ADAMTSL4: variants seen among roughly 807,000 people sequenced by gnomAD.
The protein encoded by ADAMTSL4 is ADAMTS-like protein 4.
In ADAMTSL4, 97 loss-of-function variants were observed where a neutral mutation model predicts 122.8. The ratio of observed to expected loss-of-function variants is 0.79; its 90% CI spans 0.67 to 0.93. ADAMTSL4 has a LOEUF of 0.93. Ranked by LOEUF, ADAMTSL4 falls within the 40% of genes least tolerant of loss-of-function variation. ADAMTSL4 has a pLI of 0.00. For missense variants in ADAMTSL4, 1,408 were observed against 1,453.5 expected, an observed-to-expected ratio of 0.97 and a Z score of 0.51; for synonymous variants, 592 against 568.0, an observed-to-expected ratio of 1.04 and a Z score of -0.60.
rs918728515 is a variant in ADAMTSL4 at position 150,554,810 on chromosome 1, G to A, written c.1234+343G>A. The A allele has an allele frequency of 2.8e-6, 2 of 713,236 alleles. No homozygotes were observed. Among genetic ancestry groups the A allele is most frequent in the African/African-American group, 1.8e-5 (1 of 55,860 alleles). The allele number at this position is 713,236 out of a possible 1,614,324, so 44.2% of individuals were successfully genotyped here. A position where few individuals can be genotyped will look rare whatever the true frequency, so the allele number is the denominator to read the frequency against. On this transcript the variant is annotated intron_variant, in intron 7 of 18. Transcript: ENST00000271643. This position sits in a 1 kb window ranked among gnomAD's most constrained non-coding sequence, Gnocchi z 4.0. Reference sequence around the variant, plus strand: ...AGGTGGGGGTGTGCCACGCATCCTGGGCACTGTCGTATCGGTTGCTCCCAG... The same window carrying A: ...AGGTGGGGGTGTGCCACGCATCCTGAGCACTGTCGTATCGGTTGCTCCCAG...
chr1:150,552,321 G>A lies in ADAMTSL4; in HGVS notation c.20+13G>A, dbSNP rs1378871492. The stretch of plus-strand genomic sequence containing the variant: ...ACTGGACTGGCAGGTGAGAGAAGGG[G>A]CCACGGGTTGGGGGGGAGGAAAAGG... On this transcript the variant is annotated intron_variant, in intron 3 of 18. Transcript: ENST00000271643. This position sits in a 1 kb window ranked among gnomAD's most constrained non-coding sequence, Gnocchi z 4.0. 3 of 1,555,730 alleles carry A rather than the reference G, an allele frequency of 1.9e-6. No homozygotes were observed. Among genetic ancestry groups the A allele is most frequent in the East Asian group, 4.8e-5 (2 of 41,614 alleles).
At chr1:150,558,268 G>T (rs1672408706) in intron 14 of ADAMTSL4, 119 bp downstream of exon 14, 2 of 1,548,508 alleles carry the variant, frequency 1.3e-6, no homozygotes, top group African/African-American at 2.7e-5. Flanking sequence ...GTTTCATATG[G>T]ACCCCCAATA....
At position 150,556,136 on chromosome 1, in the gene ADAMTSL4, C is replaced by A. The variant is rs766793625; in HGVS notation, c.1372-26C>A. The A allele has an allele frequency of 5.6e-6, 9 of 1,612,720 alleles. No homozygotes were observed. In the South Asian group the frequency reaches 9.9e-5, roughly 18 times the overall value. On this transcript the variant is annotated intron_variant, in intron 8 of 18. Coordinates refer to ENST00000271643, the MANE Select transcript of ADAMTSL4 (RefSeq NM_019032.6). The surrounding 1 kb of genome is among the most constrained non-coding windows in gnomAD (Gnocchi z 4.1). ...TGAGGTGGTGTCTGGCGTTCTGTGG[C>A]CACTGCCTCACCTCACTCTCTCCAG...
At chr1:150,555,090 A>G (rs1261557734) in intron 7 of ADAMTSL4, among the ~76,000 whole-genome samples, 3 of 151,634 alleles carry the variant, frequency 2.0e-5, no homozygotes, top group African/African-American at 7.3e-5. Flanking sequence ...CCTGGGTTCA[A>G]GCAATTCTCC....
chr1:150,557,187 C>A lies in ADAMTSL4; in HGVS notation c.1899C>A (p.Pro633=). The change falls in exon 12 of 19, where the codon CCC becomes CCA. Residue 633 remains proline (P), a synonymous_variant. Transcript: ENST00000271643. ...LRVEPPLAPA[P]RPARTPGTLQ... ...TGGAGCCCCCACTTGCTCCGGCACC[C>A]CGCCCAGCCCGGACCCCAGGCACCC... The A allele has an allele frequency of 6.2e-7, 1 of 1,611,748 alleles. No homozygotes were observed.
Position 150,554,769 on chromosome 1 carries a change from TC to T in ADAMTSL4, c.1234+304del. The T allele has an allele frequency of 9.3e-7, 1 of 1,080,276 alleles. No individual in the cohort carries two copies. The highest frequency in any genetic ancestry group is 1.3e-6 in the Non-Finnish European group (1 of 762,260). The allele number at this position is 1,080,276 out of a possible 1,614,324, so 66.9% of individuals were successfully genotyped here. ...GAGGGCCATGGTGGGAGAGATCCTG[TC>T]CAGCCGTGACAGCCAGGTGGGGGTG... On this transcript the variant is annotated intron_variant, in intron 7 of 18. Transcript: ENST00000271643. This position sits in a 1 kb window ranked among gnomAD's most constrained non-coding sequence, Gnocchi z 4.0.
At position 150,553,223 on chromosome 1, in the gene ADAMTSL4, AG is replaced by A. The variant is rs1671620332; in HGVS notation, c.406del (p.Glu136ArgfsTer50). 1 of 1,607,776 alleles carries A rather than the reference AG, an allele frequency of 6.2e-7. No homozygotes were observed. Among genetic ancestry groups the A allele is most frequent in the Admixed American group, 1.7e-5 (1 of 59,436 alleles). Reference sequence around the variant, plus strand: ...GGTCCCGCTTCCCACCTAGGGAGAGAGGAGACCCAGGAGATTCGAGCGGCCA... The same window carrying A: ...GGTCCCGCTTCCCACCTAGGGAGAGAGAGACCCAGGAGATTCGAGCGGCCA... ...LRGPASHLGREETQEIRAARR... is the reference protein window; with the variant it reads ...LRGPASHLGRXETQEIRAARR... On this transcript the variant is annotated frameshift_variant, in exon 5 of 19. Transcript: ENST00000271643. LOFTEE classifies it high-confidence loss of function.
intron 2 of ADAMTSL4, chr1:150,551,318 T>G: frequency 3.0e-6 from 1 of 332,524 alleles, no homozygotes; most frequent in Non-Finnish European, 6.0e-6. Context: ...CGGCTTCTTC[T>G]CTAGAGATTA....
chr1:150,559,997 C>G lies in ADAMTSL4; in HGVS notation c.3089-63C>G. 1.9e-6 allele frequency: 3 copies of G among 1,613,950 alleles called. No homozygotes were observed. The highest frequency in any genetic ancestry group is 2.5e-6 in the Non-Finnish European group (3 of 1,179,994). On this transcript the variant is annotated intron_variant, in intron 18 of 18. Coordinates refer to ENST00000271643, the MANE Select transcript of ADAMTSL4 (RefSeq NM_019032.6). This position sits in a 1 kb window ranked among gnomAD's most constrained non-coding sequence, Gnocchi z 4.1. ...AGGACCAGTGGGAATGGGCAGCACA[C>G]CCATTCCCAGACGGGTGGGTCCTGG...
In ADAMTSL4 at chr1:150,559,692, T is replaced by C. The variant is rs976692549; in HGVS notation, c.2944-69T>C. 5.6e-6 allele frequency: 9 copies of C among 1,609,484 alleles called. No homozygotes were observed. Among genetic ancestry groups the C allele is most frequent in the Middle Eastern group, 1.7e-4 (1 of 5,964 alleles). On this transcript the variant is annotated intron_variant, in intron 17 of 18. Transcript: ENST00000271643. This position sits in a 1 kb window ranked among gnomAD's most constrained non-coding sequence, Gnocchi z 4.1. ...CACCACCACCTTTTGGGGAGAGAGG[T>C]GGCAGCCAGGGGTTAAGGAGAATCC... is the stretch of plus-strand genomic sequence containing the variant.
chr1:150,554,499 T>C lies in ADAMTSL4; in HGVS notation c.1234+32T>C, dbSNP rs368855050. The C allele has an allele frequency of 6.3e-5, 102 of 1,613,672 alleles. No individual in the cohort carries two copies. The South Asian group carries it at 8.6e-4, about 14-fold the overall frequency. ...TTTCTTGCTCACCCCTGGGCAGTGG[T>C]GGCTTGGAATTGGGGATGAAGGGGA... On this transcript the variant is annotated intron_variant, in intron 7 of 18. Transcript: ENST00000271643. The surrounding 1 kb of genome is among the most constrained non-coding windows in gnomAD (Gnocchi z 4.0).
Position 150,554,626 on chromosome 1 carries a change from G to C in ADAMTSL4, c.1234+159G>C. 2 of 1,544,234 alleles carry C rather than the reference G, an allele frequency of 1.3e-6. No individual in the cohort carries two copies. Among genetic ancestry groups the C allele is most frequent in the Non-Finnish European group, 1.7e-6 (2 of 1,147,016 alleles). ...CTCCCTGGGGCTGGGTCAGGAGACA[G>C]CACAGGTGGTGAGTGGTCTGCAGAA... On this transcript the variant is annotated intron_variant, in intron 7 of 18. Transcript: ENST00000271643. The surrounding 1 kb of genome is among the most constrained non-coding windows in gnomAD (Gnocchi z 4.0).
In ADAMTSL4 at chr1:150,553,836, G is replaced by A. The variant is rs150503018; in HGVS notation, c.845G>A (p.Arg282Gln). Residue 282 changes from arginine to glutamine, a missense_variant, in exon 6 of 19, where the codon CGA (arginine) becomes CAA (glutamine). By Grantham distance (43) the Arg-to-Gln change is conservative. Transcript: ENST00000271643. ...GGFFRASPQP[R>Q]RPSSQGWASP... ...TTCTTCCGTGCATCCCCTCAGCCACGAAGGCCAAGTTCCCAGGGTTGGGCC... is the reference window on the plus strand; with the variant it reads ...TTCTTCCGTGCATCCCCTCAGCCACAAAGGCCAAGTTCCCAGGGTTGGGCC... The A allele has an allele frequency of 1.8e-5, 29 of 1,613,946 alleles. No homozygotes were observed. The East Asian group carries it at 2.0e-4, about 11-fold the overall frequency.
At position 150,560,332 on chromosome 1, in the gene ADAMTSL4, GTGAC is replaced by G; in HGVS notation, c.*141_*144del. The G allele has an allele frequency of 7.2e-7, 1 of 1,379,536 alleles. No individual in the cohort carries two copies. The allele number at this position is 1,379,536 out of a possible 1,614,324, so 85.5% of individuals were successfully genotyped here. A position where few individuals can be genotyped will look rare whatever the true frequency, so the allele number is the denominator to read the frequency against. ...CCTCCAGGTGACAGAGGGTGGCAAG[GTGAC>G]TGACACAAAGTGACTTTCAGGGCTG... On this transcript the variant is annotated 3_prime_UTR_variant, in exon 19 of 19. Transcript: ENST00000271643.
chr1:150,557,910 T>C (rs1672356846), intron 13 of ADAMTSL4, 35 bp from the exon 14 acceptor site: 2 of 1,590,790 alleles, frequency 1.3e-6, no homozygotes, highest in Admixed American at 1.7e-5. Flanking sequence ...CTCATCTATG[T>C]CTCCGCCTCT....
rs1671940885 is a variant in ADAMTSL4 at position 150,555,528 on chromosome 1, C to G, written c.1334C>G (p.Pro445Arg). The change falls in exon 8 of 19, where the codon CCT becomes CGT. Residue 445 changes from proline (P) to arginine (R), a missense_variant. Coordinates refer to ENST00000271643, the MANE Select transcript of ADAMTSL4 (RefSeq NM_019032.6). ...EKVQDGTLCQPGAPDICVAGR... is the reference protein window; with the variant it reads ...EKVQDGTLCQRGAPDICVAGR... Reference sequence around the variant, plus strand: ...GTCCAGGATGGGACCCTGTGTCAGCCTGGAGCCCCTGACATCTGTGTGGCT... The same window carrying G: ...GTCCAGGATGGGACCCTGTGTCAGCGTGGAGCCCCTGACATCTGTGTGGCT... 4 of 1,614,160 alleles carry G rather than the reference C, an allele frequency of 2.5e-6. No homozygotes were observed. The highest frequency in any genetic ancestry group is 2.5e-6 in the Non-Finnish European group (3 of 1,180,040).
Position 150,554,687 on chromosome 1 carries a change from C to G in ADAMTSL4, c.1234+220C>G. ...GGGAGGAGGAGGTGTGGGAGACACG[C>G]TTTGTCCGGACTCCCCTGGGAAGGC... is the stretch of plus-strand genomic sequence containing the variant. On this transcript the variant is annotated intron_variant, in intron 7 of 18. Coordinates refer to ENST00000271643, the MANE Select transcript of ADAMTSL4 (RefSeq NM_019032.6). The surrounding 1 kb of genome is among the most constrained non-coding windows in gnomAD (Gnocchi z 4.0). 1 of 1,527,158 alleles carries G rather than the reference C, an allele frequency of 6.5e-7. No homozygotes were observed. The highest frequency in any genetic ancestry group is 1.2e-5 in the South Asian group (1 of 83,522). 94.6% of individuals were successfully genotyped at this position (1,527,158 alleles called of 1,614,324 possible).
chr1:150,560,248 T>G lies in ADAMTSL4; in HGVS notation c.*52T>G. 1 of 1,610,212 alleles carries G rather than the reference T, an allele frequency of 6.2e-7. No homozygotes were observed. On this transcript the variant is annotated 3_prime_UTR_variant, in exon 19 of 19. Transcript: ENST00000271643. ...TTCTGTGCCACCATCGGTCACCCAT[T>G]GATCGGCCCACTCTGAACCCCCTGG...
chr1:150,554,122 G>A lies in ADAMTSL4; in HGVS notation c.1131G>A (p.Ala377=), dbSNP rs749108523. 33 of 1,598,922 alleles carry A rather than the reference G, an allele frequency of 2.1e-5. No individual in the cohort carries two copies. The highest frequency in any genetic ancestry group is 1.7e-4 in the Middle Eastern group (1 of 5,878). The change falls in exon 6 of 19, where the codon GCG becomes GCA. Residue 377 remains alanine (A), a splice_region_variant and synonymous_variant. Transcript: ENST00000271643. This position sits in a 1 kb window ranked among gnomAD's most constrained non-coding sequence, Gnocchi z 4.0. ...ESEQLRACSQ[A]PCPPEQPDPR... ...AACAGCTAAGAGCCTGCAGCCAAGC[G>A]GTGAGTCTCCTCGGGCCTCCCCTCC...
Sources: allele counts gnomAD v4.1 joint callset (sites outside exome capture counted in the v4.1 genomes callset), GRCh38; gene constraint gnomAD v4.1.1; non-coding constraint Gnocchi (gnomAD v3.1); transcripts MANE v1.5; gene names NCBI Gene and HGNC (gene_info 2026-07-23, HGNC 2026-07-21).